CPA6: variants seen among roughly 807,000 people sequenced by gnomAD.
CPA6 encodes the protein carboxypeptidase A6.
Under a neutral mutation model 63.3 loss-of-function variants are expected in CPA6, and 58 were observed. The observed-to-expected ratio is 0.92, with a 90% CI of 0.74 to 1.14. The LOEUF (loss-of-function observed/expected upper bound fraction) is 1.14, where lower values mean the gene tolerates loss of function less well. CPA6 is among the 50% of genes most tolerant of loss of function. CPA6 has a pLI of 0.00. For synonymous variants in CPA6, 185 were observed against 179.0 expected (o/e 1.03, Z -0.27); for missense variants, 565 against 526.6 (o/e 1.07, Z -0.71).
At position 67,428,061 on chromosome 8, in the gene CPA6, G is replaced by GCTGGTCCATATCTGGAGC. The variant is rs758463582; in HGVS notation, c.1111_1112insGCTCCAGATATGGACCAG (p.Pro370_Ala371insGlySerArgTyrGlyPro). 1 of 1,609,782 alleles carries GCTGGTCCATATCTGGAGC rather than the reference G, an allele frequency of 6.2e-7. No individual in the cohort carries two copies. Among genetic ancestry groups the GCTGGTCCATATCTGGAGC allele is most frequent in the Admixed American group, 1.7e-5 (1 of 59,942 alleles). ...AGGAAACTTACACAACGTTGTGGAG[G>GCTGGTCCATATCTGGAGC]CTGGTCCATATCTGTATCGTACCCC... On this transcript the variant is annotated inframe_insertion, in exon 10 of 11. Transcript: ENST00000297770.
intron 1 of CPA6, among the ~76,000 whole-genome samples, chr8:67,641,916 C>T (rs1815600650): frequency 6.6e-6 from 1 of 152,044 alleles, no homozygotes; most frequent in Non-Finnish European, 1.5e-5. Context: ...TATACATTAG[C>T]AACATACAGA....
intron 1 of CPA6, among the ~76,000 whole-genome samples, chr8:67,740,856 C>T (rs1817899276): frequency 1.3e-5 from 2 of 152,122 alleles, no homozygotes; most frequent in Admixed American, 1.3e-4. Flanking sequence ...AGACGTGAGC[C>T]ACCGTGCCTG....
At chr8:67,738,337 C>T (rs1156342657) in intron 1 of CPA6, among the ~76,000 whole-genome samples, 3 of 152,178 alleles carry the variant, frequency 2.0e-5, no homozygotes, top group African/African-American at 7.2e-5. Context: ...TTCCACTTTC[C>T]TGCTGGCTGG....
At chr8:67,459,552 C>G (rs914002572) in intron 8 of CPA6, among the ~76,000 whole-genome samples, 2 of 152,166 alleles carry the variant, frequency 1.3e-5, no homozygotes, top group Non-Finnish European at 2.9e-5. Context: ...AGATGACATT[C>G]TGGAAAAGGC....
intron 1 of CPA6, among the ~76,000 whole-genome samples, chr8:67,696,466 G>A (rs1816914351): frequency 6.6e-6 from 1 of 152,164 alleles, no homozygotes; most frequent in East Asian, 1.9e-4. Context: ...CAGTTTGATG[G>A]CATCTTATGT....
At chr8:67,591,696 T>C (rs551979300) in intron 2 of CPA6, among the ~76,000 whole-genome samples, 2 of 152,318 alleles carry the variant, frequency 1.3e-5, no homozygotes, top group South Asian at 4.1e-4. Context: ...TTGTCTGTTA[T>C]TGGTGTATAA....
rs80214708 is a variant in CPA6 at position 67,674,461 on chromosome 8, A to T, written c.117-50210T>A. On this transcript the variant is annotated intron_variant, in intron 1 of 10. Coordinates refer to ENST00000297770, the MANE Select transcript of CPA6 (RefSeq NM_020361.5). The stretch of plus-strand genomic sequence containing the variant: ...ACTACCTAAAGTCTTCTGAATAGGA[A>T]TAGAAACTGTATGACTGATTCTTTT... Among the ~76,000 whole-genome samples, 1,037 of 152,354 alleles carry T rather than the reference A, an allele frequency of 6.8e-3. 7 individuals carry two copies. The highest frequency in any genetic ancestry group is 0.024 in the African/African-American group (979 of 41,580).
rs748505195 is a variant in CPA6, at chr8:67,518,038, A to G, written c.202T>C (p.Trp68Arg). ...ACATAGGAGATACTGCTGGGCTGCC[A>G]CAGGTCCACCTGTAGTGCAGGAACC... ...KISYQLKVDL[W>R]QPSSISYVSE... Residue 68 changes from tryptophan (W) to arginine (R), a missense_variant, in exon 3 of 11, where the codon TGG becomes CGG. By Grantham distance (101) the Trp-to-Arg change is moderately radical (BLOSUM62 -3). Transcript: ENST00000297770. The G allele has an allele frequency of 6.3e-7, 1 of 1,597,922 alleles. No homozygotes were observed. Among genetic ancestry groups the G allele is most frequent in the South Asian group, 1.1e-5 (1 of 87,568 alleles).
chr8:67,703,945 T>G (rs1436034232), intron 1 of CPA6, among the ~76,000 whole-genome samples: 1 of 152,140 alleles, frequency 6.6e-6, no homozygotes. Context: ...GTTGTTGTTG[T>G]TGTTTTTGTT....
At chr8:67,725,280 C>T (rs956066437) in intron 1 of CPA6, among the ~76,000 whole-genome samples, 3 of 152,058 alleles carry the variant, frequency 2.0e-5, no homozygotes, top group African/African-American at 7.2e-5. Flanking sequence ...TTTTTTTCTG[C>T]CTTAGTGCTA....
rs563448546 is a variant in CPA6 at position 67,717,771 on chromosome 8, C to T, written c.116+28243G>A. ...ACCCTGGAGTGTCCTAGTGGGCCTT[C>T]GGTGCAATTGCTAGTGAGATTTGAT... On this transcript the variant is annotated intron_variant, in intron 1 of 10. Transcript: ENST00000297770. 4.8e-3 allele frequency among the ~76,000 whole-genome samples: 727 copies of T among 152,192 alleles called. 11 individuals are homozygous for T. Among genetic ancestry groups the T allele is most frequent in the African/African-American group, 0.015 (628 of 41,532 alleles).
intron 1 of CPA6, among the ~76,000 whole-genome samples, chr8:67,640,004 G>A (rs187329852): frequency 1.3e-5 from 2 of 151,422 alleles, no homozygotes; most frequent in East Asian, 3.9e-4. Context: ...GAGACCCTGG[G>A]GTGGGTAGCT....
intron 1 of CPA6, among the ~76,000 whole-genome samples, chr8:67,728,090 A>C (rs560064810): frequency 1.1e-4 from 16 of 149,948 alleles, no homozygotes; most frequent in Non-Finnish European, 1.9e-4. Context: ...AAAAAAAAAA[A>C]ACAAAAAAAA....
chr8:67,715,664 G>T (rs537844283), intron 1 of CPA6, among the ~76,000 whole-genome samples: 6 of 152,272 alleles, frequency 3.9e-5, no homozygotes, highest in African/African-American at 1.4e-4. Context: ...ATGGCCAAAT[G>T]GTCGTAACAT....
chr8:67,744,956 C>T (rs1817980651), intron 1 of CPA6, among the ~76,000 whole-genome samples: 1 of 152,154 alleles, frequency 6.6e-6, no homozygotes, highest in South Asian at 2.1e-4. Flanking sequence ...TTCAGAGGAA[C>T]CCTAAAGGCA....
intron 6 of CPA6, among the ~76,000 whole-genome samples, chr8:67,490,013 A>G (rs1314326627): frequency 1.3e-5 from 2 of 152,066 alleles, no homozygotes; most frequent in East Asian, 3.9e-4. Flanking sequence ...CATATGCTGT[A>G]TTTGTGATTT....
rs555719755 is a variant in CPA6, at chr8:67,689,016, G to A, written c.116+56998C>T. Among the ~76,000 whole-genome samples the A allele has an allele frequency of 5.3e-4, 80 of 151,098 alleles. 1 individual carries two copies. Among genetic ancestry groups the A allele is most frequent in the Non-Finnish European group, 1.0e-3 (70 of 68,002 alleles). On this transcript the variant is annotated intron_variant, in intron 1 of 10. Coordinates refer to ENST00000297770, the MANE Select transcript of CPA6 (RefSeq NM_020361.5). ...TATTTTTTAGATGGAGTCTCACTCT[G>A]TCACCCAGGCTGGAATGCAGTGGAG... is the stretch of plus-strand genomic sequence containing the variant.
intron 6 of CPA6, among the ~76,000 whole-genome samples, chr8:67,485,691 T>C (rs1186187663): frequency 1.3e-5 from 2 of 152,206 alleles, no homozygotes; most frequent in East Asian, 1.9e-4. Flanking sequence ...CCTAGACATA[T>C]GAGAATTTGT....
chr8:67,683,794 C>T (rs1405638354), intron 1 of CPA6, among the ~76,000 whole-genome samples: 1 of 151,638 alleles, frequency 6.6e-6, no homozygotes, highest in African/African-American at 2.4e-5. Context: ...ACCCAAATTA[C>T]TGTTTTATCT....
Sources: allele counts gnomAD v4.1 joint callset (sites outside exome capture counted in the v4.1 genomes callset), GRCh38; gene constraint gnomAD v4.1.1; transcripts MANE v1.5; gene names NCBI Gene and HGNC (gene_info 2026-07-23, HGNC 2026-07-21).